The following CCSER1 variants were observed in gnomAD, a reference collection of about 807,000 sequenced individuals.
CCSER1 encodes coiled-coil serine rich protein 1, also known as serine-rich coiled-coil domain-containing protein 1.
A neutral mutation model predicts 82.0 loss-of-function variants in CCSER1; 41 were observed. The ratio of observed to expected loss-of-function variants is 0.50; its 90% confidence interval spans 0.39 to 0.65. The LOEUF (loss-of-function observed/expected upper bound fraction) is 0.65, where lower values mean the gene tolerates loss of function less well. Among genes scored for constraint, CCSER1 ranks in the 30% least tolerant of loss-of-function variants. The probability of loss-of-function intolerance (pLI) is 0.00; values close to 1 mark genes in which losing one functional copy is unlikely to be tolerated. For synonymous variants in CCSER1, 414 were observed against 383.9 expected (o/e 1.08, Z -0.92); for missense variants, 1,119 against 1,064.2 (o/e 1.05, Z -0.72).
chr4:91,539,633 G>T (rs1490692451), intron 10 of CCSER1, among the ~76,000 whole-genome samples: 1 of 152,018 alleles, frequency 6.6e-6, no homozygotes, highest in Admixed American at 6.6e-5. Flanking sequence ...AGACTTCTCA[G>T]GAAATTATGA....
chr4:90,508,126 T>A (rs1160902445), intron 5 of CCSER1, among the ~76,000 whole-genome samples: 1 of 152,078 alleles, frequency 6.6e-6, no homozygotes, highest in African/African-American at 2.4e-5. Flanking sequence ...GTTGGATGAC[T>A]GGGAAAGTAA....
intron 10 of CCSER1, among the ~76,000 whole-genome samples, chr4:91,351,727 T>G (rs1244023356): frequency 6.6e-6 from 1 of 152,152 alleles, no homozygotes; most frequent in African/African-American, 2.4e-5. Flanking sequence ...GGCAGAAAAC[T>G]ATTTTAAATT....
At chr4:90,302,404 A>C (rs1733326154) in intron 1 of CCSER1, among the ~76,000 whole-genome samples, 2 of 152,096 alleles carry the variant, frequency 1.3e-5, no homozygotes, top group Non-Finnish European at 2.9e-5. Flanking sequence ...TGGAAGAGGC[A>C]ATGTTATAAT....
At chr4:90,481,751 G>A (rs1038960855) in intron 5 of CCSER1, among the ~76,000 whole-genome samples, 9 of 152,160 alleles carry the variant, frequency 5.9e-5, no homozygotes, top group Admixed American at 5.9e-4. Context: ...GCTTTTTGAT[G>A]TGTTGCTGGA....
At chr4:91,549,582 A>T (rs1275729459) in intron 10 of CCSER1, among the ~76,000 whole-genome samples, 1 of 152,072 alleles carries the variant, frequency 6.6e-6, no homozygotes, top group Non-Finnish European at 1.5e-5. Flanking sequence ...CAAGTGTGTA[A>T]TCCCAGCACT....
At chr4:90,625,324 G>A (rs1174649543) in intron 5 of CCSER1, among the ~76,000 whole-genome samples, 1 of 152,090 alleles carries the variant, frequency 6.6e-6, no homozygotes, top group Non-Finnish European at 1.5e-5. Context: ...GCCCAATAAT[G>A]GCTATTGATC....
chr4:90,910,947 G>C (rs1440597427), intron 8 of CCSER1, among the ~76,000 whole-genome samples: 1 of 152,142 alleles, frequency 6.6e-6, no homozygotes, highest in Non-Finnish European at 1.5e-5. Flanking sequence ...AAATATTGAA[G>C]TTATAAATAA....
chr4:90,508,169 A>T (rs1056020170), intron 5 of CCSER1, among the ~76,000 whole-genome samples: 4 of 152,032 alleles, frequency 2.6e-5, no homozygotes, highest in African/African-American at 9.7e-5. Flanking sequence ...ATTTTGGAAA[A>T]ATTGTACTGA....
chr4:90,824,714 C>A (rs922317477), intron 8 of CCSER1, among the ~76,000 whole-genome samples: 1 of 152,034 alleles, frequency 6.6e-6, no homozygotes, highest in Non-Finnish European at 1.5e-5. Flanking sequence ...TCATGCTAGT[C>A]ATTTTAGAAT....
At chr4:91,578,805 T>C (rs1268759568) in intron 10 of CCSER1, among the ~76,000 whole-genome samples, 1 of 151,990 alleles carries the variant, frequency 6.6e-6, no homozygotes, top group Non-Finnish European at 1.5e-5. Context: ...CAGCTGGCAG[T>C]AGAATGTGGT....
intron 5 of CCSER1, among the ~76,000 whole-genome samples, chr4:90,469,984 A>G (rs1476433894): frequency 6.6e-6 from 1 of 152,210 alleles, no homozygotes. Context: ...TGTCAAGTTA[A>G]CACTCAAAAA....
At chr4:90,605,203 G>A (rs966384505) in intron 5 of CCSER1, among the ~76,000 whole-genome samples, 3 of 152,108 alleles carry the variant, frequency 2.0e-5, no homozygotes, top group East Asian at 1.9e-4. Flanking sequence ...AACAAACTCC[G>A]GACATAGCAT....
chr4:90,716,601 A>G (rs1009159754), intron 6 of CCSER1, among the ~76,000 whole-genome samples: 3 of 151,932 alleles, frequency 2.0e-5, no homozygotes, highest in African/African-American at 2.4e-5. Context: ...TAACTTTTCT[A>G]TGTTTAGATA....
At chr4:91,084,630 A>G (rs959956247) in intron 9 of CCSER1, among the ~76,000 whole-genome samples, 3 of 152,138 alleles carry the variant, frequency 2.0e-5, no homozygotes, top group Non-Finnish European at 4.4e-5. Flanking sequence ...AAATGTTCTA[A>G]TTTTTTGTTT....
intron 10 of CCSER1, among the ~76,000 whole-genome samples, chr4:91,126,537 C>T (rs1485016881): frequency 1.3e-5 from 2 of 151,706 alleles, no homozygotes; most frequent in African/African-American, 4.8e-5. Flanking sequence ...TCATAGAAGT[C>T]AGAGAATGTT....
intron 1 of CCSER1, among the ~76,000 whole-genome samples, chr4:90,281,732 C>T (rs1301798986): frequency 6.6e-6 from 1 of 151,910 alleles, no homozygotes; most frequent in South Asian, 2.1e-4. Flanking sequence ...GTCTGAAAAC[C>T]GTAATTAGTA....
At chr4:90,929,962 A>T (rs202161806) in intron 9 of CCSER1, among the ~76,000 whole-genome samples, 1 of 152,346 alleles carries the variant, frequency 6.6e-6, no homozygotes, top group East Asian at 1.9e-4. Flanking sequence ...ATATATCAAT[A>T]TCAAAATATC....
intron 1 of CCSER1, among the ~76,000 whole-genome samples, chr4:90,151,841 G>A (rs1014940913): frequency 2.0e-5 from 3 of 152,062 alleles, no homozygotes; most frequent in Non-Finnish European, 1.5e-5. Flanking sequence ...AACAAGATGA[G>A]TTAGACATGG....
chr4:91,552,619 G>A (rs1194601705), intron 10 of CCSER1, among the ~76,000 whole-genome samples: 1 of 151,616 alleles, frequency 6.6e-6, no homozygotes, highest in Non-Finnish European at 1.5e-5. Flanking sequence ...TACACTGGAA[G>A]ATGTATAAGT....
Sources: allele counts gnomAD v4.1 joint callset (sites outside exome capture counted in the v4.1 genomes callset), GRCh38; gene constraint gnomAD v4.1.1; transcripts MANE v1.5; gene names NCBI Gene and HGNC (gene_info 2026-07-23, HGNC 2026-07-21).